REPS1: variants seen among roughly 807,000 people sequenced by gnomAD.
The protein encoded by REPS1 is ralBP1-associated Eps domain-containing protein 1.
In REPS1, 39 loss-of-function variants were observed where a neutral mutation model predicts 100.9. The ratio of observed to expected loss-of-function variants is 0.39; its 90% CI spans 0.30 to 0.50. The LOEUF (loss-of-function observed/expected upper bound fraction) is 0.50, where lower values mean the gene tolerates loss of function less well. Among genes scored for constraint, REPS1 ranks in the 20% least tolerant of loss-of-function variants. REPS1 has a pLI of 0.86. For missense variants in REPS1, 821 were observed against 968.5 expected (o/e 0.85, Z 2.02); for synonymous variants, 324 against 340.3 (o/e 0.95, Z 0.53).
At chr6:138,916,453 T>A (rs545038574) in intron 13 of REPS1, among the ~76,000 whole-genome samples, 15 of 152,058 alleles carry the variant, frequency 9.9e-5, no homozygotes, top group Non-Finnish European at 2.2e-4. Context: ...ACTCCTGACT[T>A]CAGGTGATCC....
rs569014295 is a variant in REPS1 at position 138,983,380 on chromosome 6, G to C, written c.153+4150C>G. On this transcript the variant is annotated intron_variant, in intron 1 of 19. Coordinates refer to ENST00000450536, the MANE Select transcript of REPS1 (RefSeq NM_001286611.2). ...TGAGGCAGAAGAATCGCTTGAGCCT[G>C]GGAGGTGGAGGTTGCAGTGAGCCGA... is the stretch of plus-strand genomic sequence containing the variant. Among the ~76,000 whole-genome samples, 168 of 152,266 alleles carry C rather than the reference G, an allele frequency of 1.1e-3. 1 individual carries two copies. In the Middle Eastern group the frequency reaches 0.017, roughly 15 times the overall value.
Position 138,943,981 on chromosome 6 carries a change from G to A in REPS1, c.788C>T (p.Thr263Ile). ...TTGCCTACGAATTTCAATGGCAGTTGTAGCTGATGCTACAGTTCGTACTGT... is the reference window on the plus strand; with the variant it reads ...TTGCCTACGAATTTCAATGGCAGTTATAGCTGATGCTACAGTTCGTACTGT... ...QTTVRTVASA[T>I]TAIEIRRQSS... is the part of the protein sequence containing the mutation. The change falls in exon 6 of 20, where the codon ACA becomes ATA. Residue 263 changes from threonine to isoleucine, a missense_variant. By Grantham distance (89) the Thr-to-Ile change is moderately conservative. Around this residue, in one of 3 missense-constraint regions of REPS1, gnomAD observed 757 missense variants for 866.4 expected, o/e 0.87. Transcript: ENST00000450536. The A allele has an allele frequency of 6.2e-7, 1 of 1,613,896 alleles. No homozygotes were observed. The highest frequency in any genetic ancestry group is 1.1e-5 in the South Asian group (1 of 91,078).
rs756382811 is a variant in REPS1 at position 138,908,726 on chromosome 6, G to A, written c.2158C>T (p.His720Tyr). ...GCTAAGACACCCGTCTTTTGTGTAT[G>A]TTCATCAACTTCTGGCCTTAATTCA... The part of the protein sequence containing the change: ...EDELRPEVDE[H>Y]TQKTGVLAAV... Residue 720 changes from histidine to tyrosine, a missense_variant, in exon 18 of 20, where the codon CAT (histidine) becomes TAT (tyrosine). His to Tyr is a moderately conservative substitution (Grantham distance 83). Transcript: ENST00000450536. The A allele has an allele frequency of 3.7e-6, 6 of 1,614,148 alleles. No homozygotes were observed. Among genetic ancestry groups the A allele is most frequent in the Non-Finnish European group, 4.2e-6 (5 of 1,179,994 alleles).
intron 11 of REPS1, 88 bp downstream of exon 11, chr6:138,920,948 GC>G: frequency 1.1e-6 from 1 of 886,272 alleles, no homozygotes; most frequent in Non-Finnish European, 1.8e-6. Context: ...TAAAAAATAA[GC>G]GATGAAAGAA....
chr6:138,967,341 G>A (rs2128497642), intron 1 of REPS1, among the ~76,000 whole-genome samples: 1 of 152,278 alleles, frequency 6.6e-6, no homozygotes, highest in African/African-American at 2.4e-5. Flanking sequence ...CTGCCAAAGT[G>A]CCAGACATAG....
chr6:138,942,283 T>C (rs1476819349), intron 7 of REPS1, among the ~76,000 whole-genome samples: 2 of 152,210 alleles, frequency 1.3e-5, no homozygotes, highest in Non-Finnish European at 2.9e-5. Flanking sequence ...ATAAATAGCA[T>C]GCATATATTA....
Position 138,947,910 on chromosome 6 carries a change from T to C in REPS1, c.157A>G (p.Met53Val). Residue 53 changes from methionine (M) to valine (V), a missense_variant, in exon 2 of 20, where the codon ATG (methionine) becomes GTG (valine). Coordinates refer to ENST00000450536, the MANE Select transcript of REPS1 (RefSeq NM_001286611.2). ...AGTCTTGTTGCACCACAAAGCTCCA[T>C]GATCTATAAAATAACATAATGTTAA... The part of the protein sequence containing the change: ...QLPNDVVLQI[M>V]ELCGATRLGY... 2 of 1,591,220 alleles carry C rather than the reference T, an allele frequency of 1.3e-6. No homozygotes were observed. Among genetic ancestry groups the C allele is most frequent in the Non-Finnish European group, 1.7e-6 (2 of 1,173,526 alleles).
chr6:138,967,551 G>C (rs1784091693), intron 1 of REPS1, among the ~76,000 whole-genome samples: 2 of 152,132 alleles, frequency 1.3e-5, no homozygotes, highest in African/African-American at 2.4e-5. Context: ...TTCTATAGCT[G>C]TAGGCAGCAA....
chr6:138,920,344 C>CCTATGTCTTGTATTTTT, intron 11 of REPS1, 28 bp from the exon 12 acceptor site: 7 of 1,224,970 alleles, frequency 5.7e-6, no homozygotes, highest in Non-Finnish European at 8.5e-6. Flanking sequence ...GGTAAAAATA[C>CCTATGTCTTGTATTTTT]AAGACATAGG....
chr6:138,961,003 G>A (rs1419051221), intron 1 of REPS1, among the ~76,000 whole-genome samples: 1 of 152,046 alleles, frequency 6.6e-6, no homozygotes, highest in East Asian at 1.9e-4. Context: ...TTAAATGGCA[G>A]GCCCACTTCC....
chr6:138,963,966 T>TA (rs2128494327), intron 1 of REPS1, among the ~76,000 whole-genome samples: 1 of 152,350 alleles, frequency 6.6e-6, no homozygotes, highest in South Asian at 2.1e-4. Flanking sequence ...AACTCCCTCT[T>TA]AAACTCCTTT....
At chr6:138,987,373 TCCAG>T (rs1785328814) in intron 1 of REPS1, among the ~76,000 whole-genome samples, 153 bp downstream of exon 1, 1 of 151,850 alleles carries the variant, frequency 6.6e-6, no homozygotes, top group African/African-American at 2.4e-5. Flanking sequence ...GCGGCGCGAG[TCCAG>T]GCCTCCCGGG....
intron 10 of REPS1, among the ~76,000 whole-genome samples, chr6:138,923,040 AT>A (rs1780881628): frequency 6.6e-6 from 1 of 152,242 alleles, no homozygotes; most frequent in Admixed American, 6.5e-5. Flanking sequence ...GACAGGGTTC[AT>A]GTACTTAACC....
chr6:138,944,712 C>G (rs747005819), intron 4 of REPS1, 90 bp from the exon 5 acceptor site: 77 of 1,248,652 alleles, frequency 6.2e-5, no homozygotes, highest in Non-Finnish European at 8.3e-5. Context: ...CTGAAGAAAT[C>G]TAACAATTTC....
At chr6:138,933,746 G>A (rs745406093) in intron 8 of REPS1, among the ~76,000 whole-genome samples, 107 of 151,954 alleles carry the variant, frequency 7.0e-4, no homozygotes, top group Non-Finnish European at 1.2e-3. Context: ...ATGCCAATAG[G>A]TAATGGATTT....
chr6:138,914,787 T>C, intron 14 of REPS1, 26 bp from the exon 15 acceptor site: 1 of 1,593,618 alleles, frequency 6.3e-7, no homozygotes, highest in Non-Finnish European at 8.6e-7. Context: ...AGTTCTTCTT[T>C]TTAGTAACTG....
intron 10 of REPS1, among the ~76,000 whole-genome samples, chr6:138,921,878 T>G (rs975148997): frequency 6.6e-6 from 1 of 151,866 alleles, no homozygotes; most frequent in Non-Finnish European, 1.5e-5. Flanking sequence ...CCCGGCCAGG[T>G]AGGAGGATCC....
chr6:138,951,588 T>C (rs1210795588), intron 1 of REPS1, among the ~76,000 whole-genome samples: 2 of 152,322 alleles, frequency 1.3e-5, no homozygotes, highest in East Asian at 1.9e-4. Context: ...TGGTGTTATA[T>C]TGGCTTTTTC....
intron 8 of REPS1, among the ~76,000 whole-genome samples, chr6:138,940,077 A>C (rs1782124998): frequency 6.6e-6 from 1 of 152,206 alleles, no homozygotes; most frequent in Admixed American, 6.5e-5. Context: ...TCACAGATTA[A>C]ATTAGCAAAA....
Sources: gnomAD v4.1 joint callset for allele counts (sites outside exome capture counted in the v4.1 genomes callset) on GRCh38, gnomAD v4.1.1 for gene constraint, gnomAD v4.1.1 regional missense constraint, MANE v1.5 for transcripts, NCBI Gene and HGNC (gene_info 2026-07-23, HGNC 2026-07-21) for gene names.